Variants in RBFOX1 observed in about 807,000 individuals in gnomAD.
RBFOX1 encodes the protein RNA binding fox-1 homolog 1.
RBFOX1 carries 8 observed loss-of-function variants against 57.7 expected under a neutral mutation model. The ratio of observed to expected loss-of-function variants is 0.14; its 90% CI spans 0.08 to 0.25. The LOEUF is 0.25. Among genes scored for constraint, RBFOX1 ranks in the 10% least tolerant of loss-of-function variants. The pLI is 1.00. For missense variants in RBFOX1, 611 were observed against 548.5 expected, an observed-to-expected ratio of 1.11 and a Z score of -1.14; for synonymous variants, 326 against 222.4, an observed-to-expected ratio of 1.47 and a Z score of -4.15.
intron 4 of RBFOX1, among the ~76,000 whole-genome samples, chr16:7,179,169 A>T (rs2152508922): frequency 6.6e-6 from 1 of 151,746 alleles, no homozygotes; most frequent in East Asian, 1.9e-4. Flanking sequence ...TGGGGGTAGG[A>T]GGTTGGGATA....
At chr16:5,999,585 G>A (rs1285835589) in intron 4 of RBFOX1, among the ~76,000 whole-genome samples, 1 of 152,190 alleles carries the variant, frequency 6.6e-6, no homozygotes, top group African/African-American at 2.4e-5. Context: ...GGTGCGGCTG[G>A]GCTTGGTGGC....
intron 2 of RBFOX1, among the ~76,000 whole-genome samples, chr16:6,519,938 T>C (rs560440635): frequency 6.6e-6 from 1 of 152,308 alleles, no homozygotes; most frequent in Non-Finnish European, 1.5e-5. Flanking sequence ...CCTTCTGCAA[T>C]GACTGAGCAG....
At chr16:6,363,664 C>T (rs1488024557) in intron 2 of RBFOX1, among the ~76,000 whole-genome samples, 1 of 152,124 alleles carries the variant, frequency 6.6e-6, no homozygotes, top group African/African-American at 2.4e-5. Context: ...TTTAAAGTTT[C>T]CGAAGATTAA....
chr16:5,736,245 T>C (rs1047449996), intron 3 of RBFOX1, among the ~76,000 whole-genome samples: 23 of 152,294 alleles, frequency 1.5e-4, no homozygotes, highest in Non-Finnish European at 1.5e-5. Flanking sequence ...CCTGGAGACA[T>C]ACCAGGACAT....
rs143661149 is a variant in RBFOX1 at position 7,021,881 on chromosome 16, CTCTT to C, written c.-15-30162_-15-30159del. ...TAAATTGCCAGAACCTTCTTTCTCT[CTCTT>C]TCTTTCTTTCTTTTCTTTCTTTCTT... On this transcript the variant is annotated intron_variant, in intron 3 of 15. Coordinates refer to ENST00000550418, the MANE Select transcript of RBFOX1 (RefSeq NM_018723.4). 3.8e-3 allele frequency among the ~76,000 whole-genome samples: 462 copies of C among 122,248 alleles called. 2 individuals carry two copies. Among genetic ancestry groups the C allele is most frequent in the Middle Eastern group, 7.8e-3 (2 of 256 alleles). 80.2% of individuals were successfully genotyped at this position (122,248 alleles called of 152,430 possible). A position where few individuals can be genotyped will look rare whatever the true frequency, so the allele number is the denominator to read the frequency against.
In RBFOX1 at chr16:7,060,766, C is replaced by T. The variant is rs181272939; in HGVS notation, c.27+8668C>T. ...TGCTTGTCCTATGCAAATTGTTGTT[C>T]GGCTGTTCCAGAATTCTCCCCTCAC... is the stretch of plus-strand genomic sequence containing the variant. On this transcript the variant is annotated intron_variant, in intron 4 of 15. Coordinates refer to ENST00000550418, the MANE Select transcript of RBFOX1 (RefSeq NM_018723.4). 6.0e-4 allele frequency among the ~76,000 whole-genome samples: 91 copies of T among 152,218 alleles called. 1 individual carries two copies. Among genetic ancestry groups the T allele is most frequent in the African/African-American group, 1.9e-3 (80 of 41,534 alleles).
chr16:5,396,383 G>A (rs951640399), intron 1 of RBFOX1, among the ~76,000 whole-genome samples: 14 of 152,242 alleles, frequency 9.2e-5, no homozygotes, highest in Middle Eastern at 3.4e-3. Context: ...GCTCACACCT[G>A]TAATCCTAGG....
At chr16:7,597,539 CTG>C in intron 9 of RBFOX1, 108 bp downstream of exon 9, 1 of 1,002,278 alleles carries the variant, frequency 1.0e-6, no homozygotes, top group South Asian at 1.7e-5. Context: ...GGCATTGACA[CTG>C]TGTTTTTACT....
chr16:6,903,631 G>C (rs2069024469), intron 3 of RBFOX1, among the ~76,000 whole-genome samples: 1 of 152,104 alleles, frequency 6.6e-6, no homozygotes, highest in South Asian at 2.1e-4. Context: ...AATGCTCCTG[G>C]GGACTGTCCT....
intron 4 of RBFOX1, among the ~76,000 whole-genome samples, chr16:7,495,636 T>C (rs926986650): frequency 3.9e-5 from 6 of 152,348 alleles, no homozygotes; most frequent in African/African-American, 1.2e-4. Flanking sequence ...AAATGTCTGT[T>C]TGTGACCTTT....
intron 4 of RBFOX1, among the ~76,000 whole-genome samples, chr16:7,140,186 C>CTCTCTCTG (rs1213083975): frequency 2.1e-5 from 3 of 144,650 alleles, no homozygotes; most frequent in Non-Finnish European, 4.5e-5. Flanking sequence ...CTCTCTCTCT[C>CTCTCTCTG]TCTCTCTCCC....
At chr16:6,899,838 A>G (rs1327127344) in intron 3 of RBFOX1, among the ~76,000 whole-genome samples, 1 of 152,232 alleles carries the variant, frequency 6.6e-6, no homozygotes, top group Non-Finnish European at 1.5e-5. Context: ...AGGCAGGAGC[A>G]TTTCGTTAGT....
intron 4 of RBFOX1, among the ~76,000 whole-genome samples, chr16:7,343,234 T>C (rs1032143747): frequency 6.6e-6 from 1 of 152,212 alleles, no homozygotes; most frequent in East Asian, 1.9e-4. Flanking sequence ...CAGCCGTCAC[T>C]GGGCAGCTTA....
chr16:6,965,298 A>T (rs1598561944), intron 3 of RBFOX1, among the ~76,000 whole-genome samples: 1 of 148,584 alleles, frequency 6.7e-6, no homozygotes, highest in Non-Finnish European at 1.5e-5. Context: ...AACAAATCCA[A>T]TTTCCTTTTT....
intron 13 of RBFOX1, among the ~76,000 whole-genome samples, chr16:7,672,584 C>T (rs1452879647): frequency 6.6e-6 from 1 of 151,928 alleles, no homozygotes; most frequent in Non-Finnish European, 1.5e-5. Flanking sequence ...TGGATGTGGC[C>T]AGGTGTGGTG....
intron 3 of RBFOX1, among the ~76,000 whole-genome samples, chr16:6,747,607 T>G (rs895791019): frequency 6.6e-6 from 1 of 152,174 alleles, no homozygotes; most frequent in Admixed American, 6.5e-5. Context: ...GTCTTCTCTT[T>G]AAACATCTCA....
intron 3 of RBFOX1, among the ~76,000 whole-genome samples, chr16:6,826,491 G>T (rs2092154546): frequency 6.6e-6 from 1 of 152,142 alleles, no homozygotes; most frequent in Non-Finnish European, 1.5e-5. Context: ...CTAGAACAGT[G>T]CCTGGTATAC....
At chr16:6,897,622 T>G (rs561388383) in intron 3 of RBFOX1, among the ~76,000 whole-genome samples, 42 of 151,912 alleles carry the variant, frequency 2.8e-4, no homozygotes, top group African/African-American at 9.2e-4. Flanking sequence ...TGAAACCCCA[T>G]CTCTATTAAA....
At chr16:6,081,090 A>G (rs2095994108) in intron 1 of RBFOX1, among the ~76,000 whole-genome samples, 2 of 152,172 alleles carry the variant, frequency 1.3e-5, no homozygotes, top group African/African-American at 2.4e-5. Flanking sequence ...AATGTGGAGC[A>G]TGGTGTCCCT....
Sources: allele counts gnomAD v4.1 joint callset (sites outside exome capture counted in the v4.1 genomes callset), GRCh38; gene constraint gnomAD v4.1.1; transcripts MANE v1.5; gene names NCBI Gene and HGNC (gene_info 2026-07-23, HGNC 2026-07-21).